Variants in FNDC3A observed in about 807,000 individuals in gnomAD.
The protein encoded by FNDC3A is fibronectin type III domain containing 3A.
FNDC3A carries 32 observed loss-of-function variants against 148.9 expected under a neutral mutation model. That is an observed-to-expected ratio of 0.21 (90% CI 0.16 to 0.29). FNDC3A has a LOEUF of 0.29. Ranked by LOEUF, FNDC3A falls within the 10% of genes least tolerant of loss-of-function variation. The probability of loss-of-function intolerance (pLI) is 1.00; values close to 1 mark genes in which losing one functional copy is unlikely to be tolerated. For synonymous variants in FNDC3A, 472 were observed against 473.6 expected (o/e 1.00, Z 0.04); for missense variants, 1,191 against 1,452.8 (o/e 0.82, Z 2.93).
rs761773378 is a variant in FNDC3A, at chr13:49,072,737, G to A, written c.100-2552G>A. On this transcript the variant is annotated intron_variant, in intron 2 of 25. Transcript: ENST00000492622. ...GGGTTCAAGCAATCCTCCCACCTCA[G>A]CCTCCCAAAGTATTGGGATTACAGG... Among the ~76,000 whole-genome samples the A allele has an allele frequency of 5.3e-5, 8 of 152,062 alleles. 1 individual carries two copies. The highest frequency in any genetic ancestry group is 8.8e-5 in the Non-Finnish European group (6 of 68,004).
chr13:49,071,312 A>G (rs570364909), intron 2 of FNDC3A, among the ~76,000 whole-genome samples: 4 of 152,226 alleles, frequency 2.6e-5, no homozygotes, highest in Middle Eastern at 3.4e-3. Flanking sequence ...TATCTTGGCT[A>G]CTGTGAATAG....
At chr13:49,203,545 T>C (rs1188180875) in intron 25 of FNDC3A, among the ~76,000 whole-genome samples, 1 of 152,180 alleles carries the variant, frequency 6.6e-6, no homozygotes, top group Non-Finnish European at 1.5e-5. Flanking sequence ...GTCCCTTGCC[T>C]CCATGGAGCT....
rs909083336 is a variant in FNDC3A, at chr13:49,178,470, A to G, written c.1531-98A>G. The G allele has an allele frequency of 8.2e-6, 6 of 735,364 alleles. No individual in the cohort carries two copies. The African/African-American group carries it at 9.0e-5, about 11-fold the overall frequency. The allele number at this position is 735,364 out of a possible 1,614,324, so 45.6% of individuals were successfully genotyped here. A position where few individuals can be genotyped will look rare whatever the true frequency, so the allele number is the denominator to read the frequency against. ...GAGCATTAGTCATATTGCACATAGT[A>G]GAAGATGAAGAGAAACCCGGGTCTT... On this transcript the variant is annotated intron_variant, in intron 13 of 25. Transcript: ENST00000492622.
At chr13:49,080,130 T>C (rs1031124924) in intron 3 of FNDC3A, among the ~76,000 whole-genome samples, 2 of 152,220 alleles carry the variant, frequency 1.3e-5, no homozygotes, top group Non-Finnish European at 2.9e-5. Context: ...GTTTTCATAT[T>C]TTTAATGAAA....
In FNDC3A at chr13:49,191,015, G is replaced by T; in HGVS notation, c.1945G>T (p.Val649Phe). ...YCISDGGQSA[V>F]SESLLVQTPA... ...TTTCTTTTTGCTTTTGTTTTGGCAGGTCTCTGAATCTTTACTTGTGCAGAC... is the reference window on the plus strand; with the variant it reads ...TTTCTTTTTGCTTTTGTTTTGGCAGTTCTCTGAATCTTTACTTGTGCAGAC... The change falls in exon 18 of 26, where the codon GTC becomes TTC. Residue 649 changes from valine (V) to phenylalanine (F), a missense_variant and splice_region_variant. By Grantham distance (50) the Val-to-Phe change is conservative (BLOSUM62 -1). This residue lies in a region of FNDC3A where 751 missense variants were observed against 944.0 expected (regional missense o/e 0.80). Transcript: ENST00000492622. 1 of 1,599,272 alleles carries T rather than the reference G, an allele frequency of 6.3e-7. No homozygotes were observed. The highest frequency in any genetic ancestry group is 8.5e-7 in the Non-Finnish European group (1 of 1,175,262).
intron 8 of FNDC3A, chr13:49,146,748 A>G (rs1418035432): frequency 6.6e-6 from 1 of 152,208 alleles, no homozygotes; most frequent in African/African-American, 2.4e-5. Context: ...AGAAAAAAAT[A>G]AAAGTATATT....
chr13:49,079,041 G>A (rs1475401894), intron 3 of FNDC3A, among the ~76,000 whole-genome samples: 1 of 152,148 alleles, frequency 6.6e-6, no homozygotes, highest in Admixed American at 6.6e-5. Flanking sequence ...TACTTGTTCA[G>A]AATATTTAGA....
intron 4 of FNDC3A, among the ~76,000 whole-genome samples, chr13:49,124,609 C>T (rs1386502663): frequency 6.6e-6 from 1 of 152,038 alleles, no homozygotes; most frequent in Non-Finnish European, 1.5e-5. Context: ...ATTTCTGGGG[C>T]CTGCTTGGTC....
chr13:49,092,785 A>G (rs1003157698), intron 3 of FNDC3A, among the ~76,000 whole-genome samples: 10 of 151,496 alleles, frequency 6.6e-5, no homozygotes, highest in Middle Eastern at 3.5e-3. Context: ...GTGCTCCTTA[A>G]TTTCTTGTAA....
intron 2 of FNDC3A, among the ~76,000 whole-genome samples, chr13:49,031,354 G>C (rs907053474): frequency 4.6e-5 from 7 of 152,124 alleles, no homozygotes; most frequent in Non-Finnish European, 1.0e-4. Flanking sequence ...TGCATGATCA[G>C]CCTGAGCAAT....
At position 49,168,654 on chromosome 13, in the gene FNDC3A, A is replaced by G; in HGVS notation, c.1079A>G (p.Glu360Gly). Reference protein sequence around the residue: ...EYNSIKGTPSEAEIFTTLSCE... With the variant: ...EYNSIKGTPSGAEIFTTLSCE... Reference sequence around the variant, plus strand: ...AATTCTATAAAGGGAACTCCTTCAGAGGCTGAAATCTTTACCACCTTGAGC... The same window carrying G: ...AATTCTATAAAGGGAACTCCTTCAGGGGCTGAAATCTTTACCACCTTGAGC... Residue 360 changes from glutamate to glycine, a missense_variant, in exon 10 of 26, where the codon GAG (glutamate) becomes GGG (glycine). Coordinates refer to ENST00000492622, the MANE Select transcript of FNDC3A (RefSeq NM_001079673.2). The G allele has an allele frequency of 6.2e-7, 1 of 1,611,988 alleles. No individual in the cohort carries two copies. The highest frequency in any genetic ancestry group is 8.5e-7 in the Non-Finnish European group (1 of 1,178,122).
At chr13:48,998,397 A>T (rs1273397376) in intron 1 of FNDC3A, among the ~76,000 whole-genome samples, 1 of 152,218 alleles carries the variant, frequency 6.6e-6, no homozygotes, top group Non-Finnish European at 1.5e-5. Context: ...GATGGGTTGC[A>T]GTTAAAACAG....
chr13:49,193,468 C>T (rs1277123367), intron 19 of FNDC3A, among the ~76,000 whole-genome samples: 1 of 152,108 alleles, frequency 6.6e-6, no homozygotes, highest in African/African-American at 2.4e-5. Context: ...CCTTATGTTT[C>T]CCAGGTTGGT....
At chr13:48,999,332 CCTTT>C (rs1225282235) in intron 1 of FNDC3A, among the ~76,000 whole-genome samples, 1 of 152,316 alleles carries the variant, frequency 6.6e-6, no homozygotes, top group South Asian at 2.1e-4. Flanking sequence ...ACATGTCACC[CCTTT>C]CTTTAATCTG....
chr13:49,050,158 C>T (rs1026092175), intron 2 of FNDC3A, among the ~76,000 whole-genome samples: 4 of 151,858 alleles, frequency 2.6e-5, no homozygotes, highest in East Asian at 1.9e-4. Flanking sequence ...CTCTGATGTT[C>T]GTTATTTCTT....
rs1488897453 is a variant in FNDC3A, at chr13:49,198,455, T to G, written c.2868T>G (p.Arg956=). 6.2e-7 allele frequency: 1 copy of G among 1,614,160 alleles called. No homozygotes were observed. The highest frequency in any genetic ancestry group is 1.7e-5 in the Admixed American group (1 of 60,024). The change falls in exon 23 of 26, where the codon CGT becomes CGG. Residue 956 remains arginine, a synonymous_variant. Coordinates refer to ENST00000492622, the MANE Select transcript of FNDC3A (RefSeq NM_001079673.2). ...AGCCTCTCCCTCCTGATCCACCTCGTCTGGAATGTGTTGCCTTTAGCCACC... is the reference window on the plus strand; with the variant it reads ...AGCCTCTCCCTCCTGATCCACCTCGGCTGGAATGTGTTGCCTTTAGCCACC... ...KTKPLPPDPP[R]LECVAFSHQN...
intron 1 of FNDC3A, among the ~76,000 whole-genome samples, chr13:48,980,027 G>T (rs970726066): frequency 6.6e-6 from 1 of 151,850 alleles, no homozygotes; most frequent in Non-Finnish European, 1.5e-5. Context: ...TGGTTTGGGC[G>T]TTTTATGACT....
chr13:49,045,309 ACGGC>A, intron 2 of FNDC3A: 1 of 161,048 alleles, frequency 6.2e-6, no homozygotes, highest in Non-Finnish European at 1.3e-5. Flanking sequence ...GCGTGCCACC[ACGGC>A]CAGCTAATTT....
chr13:49,184,144 C>G (rs1205538279), intron 14 of FNDC3A, among the ~76,000 whole-genome samples: 4 of 152,062 alleles, frequency 2.6e-5, no homozygotes, highest in African/African-American at 9.7e-5. Flanking sequence ...AAAAACATTC[C>G]AAGTGAGGAA....
Sources: gnomAD v4.1 joint callset for allele counts (sites outside exome capture counted in the v4.1 genomes callset) on GRCh38, gnomAD v4.1.1 for gene constraint, gnomAD v4.1.1 regional missense constraint, MANE v1.5 for transcripts, NCBI Gene and HGNC (gene_info 2026-07-23, HGNC 2026-07-21) for gene names.